ARHGEF7: variants seen among roughly 807,000 people sequenced by gnomAD.
ARHGEF7 encodes PAK-interacting exchange factor beta.
ARHGEF7 carries 33 observed loss-of-function variants against 109.8 expected under a neutral mutation model. The ratio of observed to expected loss-of-function variants is 0.30; its 90% CI spans 0.23 to 0.40. ARHGEF7 has a LOEUF of 0.40. ARHGEF7 is among the 10% of genes least tolerant of loss of function. ARHGEF7 has a pLI of 1.00. For synonymous variants in ARHGEF7, 458 were observed against 424.6 expected, an observed-to-expected ratio of 1.08 and a Z score of -0.97; for missense variants, 938 against 1,098.5, an observed-to-expected ratio of 0.85 and a Z score of 2.07.
At chr13:111,286,271 C>T (rs375443560) in intron 17 of ARHGEF7, 31 bp downstream of exon 17, 17 of 1,569,156 alleles carry the variant, frequency 1.1e-5, no homozygotes, top group Middle Eastern at 2.0e-4. Flanking sequence ...TGGTGGAGGA[C>T]GTGGCCTCCT....
chr13:111,264,456 C>T (rs1567003542), intron 8 of ARHGEF7, among the ~76,000 whole-genome samples: 1 of 152,186 alleles, frequency 6.6e-6, no homozygotes. Flanking sequence ...AGCCTCCCAT[C>T]TGCGCAGAGA....
At chr13:111,271,857 AT>A (rs1427539290) in intron 9 of ARHGEF7, among the ~76,000 whole-genome samples, 7 of 152,214 alleles carry the variant, frequency 4.6e-5, no homozygotes, top group Admixed American at 2.0e-4. Flanking sequence ...TTGCTTTAGT[AT>A]TGATAATATC....
chr13:111,139,996 A>G (rs1404893074), intron 1 of ARHGEF7, among the ~76,000 whole-genome samples: 1 of 152,210 alleles, frequency 6.6e-6, no homozygotes, highest in African/African-American at 2.4e-5. Flanking sequence ...CTTTTTCGGG[A>G]TAGTTCCTGT....
intron 6 of ARHGEF7, among the ~76,000 whole-genome samples, chr13:111,241,875 C>T (rs901994897): frequency 4.6e-5 from 7 of 152,206 alleles, no homozygotes; most frequent in African/African-American, 1.7e-4. Context: ...AAGGACTTTT[C>T]TGATACGTCT....
intron 1 of ARHGEF7, among the ~76,000 whole-genome samples, chr13:111,137,170 G>A (rs2075126150): frequency 6.6e-6 from 1 of 152,204 alleles, no homozygotes; most frequent in Non-Finnish European, 1.5e-5. Flanking sequence ...AGAGGTACAA[G>A]GAGGAGCTGG....
In ARHGEF7 at chr13:111,275,666, T is replaced by C. The variant is rs753157583; in HGVS notation, c.1407T>C (p.Cys469=). 1.9e-6 allele frequency: 3 copies of C among 1,614,140 alleles called. No individual in the cohort carries two copies. The highest frequency in any genetic ancestry group is 3.3e-5 in the Admixed American group (2 of 60,022). The change falls in exon 12 of 22, where the codon TGT becomes TGC. Residue 469 remains cysteine, a synonymous_variant. Coordinates refer to ENST00000646102, the MANE Select transcript of ARHGEF7 (RefSeq NM_001354046.2). ...VTYMSQVLIQ[C]AGSEEKNERY... ...ACATGTCCCAGGTCCTGATTCAGTG[T>C]GCCGGAAGTGAGGTACTGCTGCCCA...
chr13:111,268,827 A>G lies in ARHGEF7; in HGVS notation c.1073+1157A>G, dbSNP rs578137801. Among the ~76,000 whole-genome samples the G allele has an allele frequency of 7.2e-5, 11 of 152,370 alleles. No individual in the cohort carries two copies. In the East Asian group the frequency reaches 2.1e-3, roughly 29 times the overall value. ...TGAACGCACCAAATGCTCAGTGAAT[A>G]TTCTGTTGTCTTCTATTGTTTCTTC... is the stretch of plus-strand genomic sequence containing the variant. On this transcript the variant is annotated intron_variant, in intron 9 of 21. Transcript: ENST00000646102.
At chr13:111,243,058 A>G (rs2088081015) in intron 6 of ARHGEF7, among the ~76,000 whole-genome samples, 1 of 152,258 alleles carries the variant, frequency 6.6e-6, no homozygotes. Context: ...AGGTTAATTT[A>G]TAATTATTCT....
chr13:111,295,376 A>G (rs2093405075), intron 19 of ARHGEF7, among the ~76,000 whole-genome samples: 1 of 152,200 alleles, frequency 6.6e-6, no homozygotes, highest in Non-Finnish European at 1.5e-5. Context: ...TCTGGACAAG[A>G]CGAAGTCACT....
intron 19 of ARHGEF7, chr13:111,292,793 G>T (rs189705113): frequency 1.5e-4 from 154 of 995,828 alleles, no homozygotes; most frequent in Non-Finnish European, 1.8e-4. Flanking sequence ...TAGTTGTGGA[G>T]AGATGAGAAG....
chr13:111,240,400 T>C (rs1385972753), intron 6 of ARHGEF7, among the ~76,000 whole-genome samples: 1 of 152,210 alleles, frequency 6.6e-6, no homozygotes, highest in Non-Finnish European at 1.5e-5. Flanking sequence ...CGTTCCGAGG[T>C]ATTGGTAAGG....
intron 13 of ARHGEF7, 127 bp from the exon 14 acceptor site, chr13:111,280,145 T>G (rs546110970): frequency 1.1e-6 from 1 of 948,258 alleles, no homozygotes; most frequent in South Asian, 1.8e-5. Flanking sequence ...ACAAATGAGC[T>G]TTTTTTGGTT....
chr13:111,275,728 G>T (rs1403916710), intron 12 of ARHGEF7, 50 bp downstream of exon 12: 3 of 1,610,178 alleles, frequency 1.9e-6, no homozygotes, highest in South Asian at 1.1e-5. Context: ...ACTCTTAGGA[G>T]CTCATAGCAG....
intron 18 of ARHGEF7, 29 bp from the exon 19 acceptor site, chr13:111,292,089 G>C: frequency 1.9e-6 from 3 of 1,600,550 alleles, no homozygotes; most frequent in Non-Finnish European, 2.6e-6. Context: ...CCTGCCTGTC[G>C]CGCCTGTCCC....
intron 2 of ARHGEF7, among the ~76,000 whole-genome samples, chr13:111,193,206 G>A (rs942000328): frequency 2.6e-5 from 4 of 152,166 alleles, no homozygotes; most frequent in African/African-American, 7.2e-5. Context: ...TAACCACCCC[G>A]AGGGGAGACA....
chr13:111,175,471 G>A (rs1044603807), intron 2 of ARHGEF7, among the ~76,000 whole-genome samples: 1 of 152,154 alleles, frequency 6.6e-6, no homozygotes, highest in Non-Finnish European at 1.5e-5. Context: ...GTGGGGAAGG[G>A]CACCCAGGCA....
intron 6 of ARHGEF7, among the ~76,000 whole-genome samples, chr13:111,233,887 C>T (rs2086434923): frequency 6.6e-6 from 1 of 152,192 alleles, no homozygotes; most frequent in Non-Finnish European, 1.5e-5. Flanking sequence ...TGTATAGTCT[C>T]ATGGTACTAA....
intron 1 of ARHGEF7, among the ~76,000 whole-genome samples, chr13:111,148,985 C>T (rs139070286): frequency 2.6e-5 from 4 of 152,074 alleles, no homozygotes; most frequent in Non-Finnish European, 4.4e-5. Flanking sequence ...AAAGTTTTTC[C>T]GGGTTTGCAT....
intron 4 of ARHGEF7, among the ~76,000 whole-genome samples, chr13:111,213,405 G>A (rs1288791375): frequency 1.3e-5 from 2 of 152,180 alleles, no homozygotes; most frequent in Non-Finnish European, 2.9e-5. Context: ...TGCATACAGC[G>A]TGATGTATTG....
Sources: allele counts gnomAD v4.1 joint callset (sites outside exome capture counted in the v4.1 genomes callset), GRCh38; gene constraint gnomAD v4.1.1; transcripts MANE v1.5; gene names NCBI Gene and HGNC (gene_info 2026-07-23, HGNC 2026-07-21).